ABTB3: variants seen among roughly 807,000 people sequenced by gnomAD.
ABTB3 encodes ankyrin repeat and BTB domain containing 3.
At chr12:107,592,434 A>G in the ABTB3 span, among the ~76,000 whole-genome samples, 1 of 152,254 alleles carries the variant, frequency 6.6e-6, no homozygotes, top group Non-Finnish European at 1.5e-5. Flanking sequence ...AGACATGTAC[A>G]TGGATATTCA....
the ABTB3 span, among the ~76,000 whole-genome samples, chr12:107,349,314 G>T: frequency 6.6e-6 from 1 of 152,204 alleles, no homozygotes. Context: ...CCCAAGAGGA[G>T]GAATGTGGGG....
At chr12:107,416,157 GC>G in the ABTB3 span, among the ~76,000 whole-genome samples, 1 of 152,176 alleles carries the variant, frequency 6.6e-6, no homozygotes, top group African/African-American at 2.4e-5. Flanking sequence ...TCATGACGGA[GC>G]CCAGAATCCA....
At chr12:107,657,492 C>A in the ABTB3 span, 30 of 1,610,198 alleles carry the variant, frequency 1.9e-5, no homozygotes, top group Non-Finnish European at 2.5e-5. Flanking sequence ...CTCCCATTTC[C>A]TCTCCACTCT....
chr12:107,474,777 G>T, the ABTB3 span, among the ~76,000 whole-genome samples: 1 of 152,006 alleles, frequency 6.6e-6, no homozygotes, highest in African/African-American at 2.4e-5. Flanking sequence ...TAAGGCAGCA[G>T]ATGCCCTGCA....
chr12:107,339,679 A>ATG, the ABTB3 span, among the ~76,000 whole-genome samples: 9 of 114,146 alleles, frequency 7.9e-5, no homozygotes, highest in Non-Finnish European at 1.5e-4. Context: ...GTGTGCATGC[A>ATG]CGTGTGTGTG....
chr12:107,536,127 C>T, the ABTB3 span, among the ~76,000 whole-genome samples: 1 of 152,052 alleles, frequency 6.6e-6, no homozygotes, highest in Admixed American at 6.6e-5. Context: ...GCACCAAGAA[C>T]ATATATTAGG....
chr12:107,637,926 G>C, the ABTB3 span, among the ~76,000 whole-genome samples: 1 of 151,966 alleles, frequency 6.6e-6, no homozygotes, highest in South Asian at 2.1e-4. Context: ...GCAGGAATGG[G>C]GGACTAGCTG....
the ABTB3 span, among the ~76,000 whole-genome samples, chr12:107,606,411 A>G: frequency 6.6e-6 from 1 of 152,208 alleles, no homozygotes; most frequent in Non-Finnish European, 1.5e-5. Context: ...GATAGCTGGT[A>G]AACACATCTC....
the ABTB3 span, among the ~76,000 whole-genome samples, chr12:107,637,786 TTGTGTGTGTGTGTGTGTGTGTG>T: frequency 9.7e-5 from 14 of 144,650 alleles, no homozygotes; most frequent in South Asian, 6.9e-4. Context: ...AGCACTGATT[TTGTGTGTGTGTGTGTGTGTGTG>T]TGTGTGTGTG....
the ABTB3 span, among the ~76,000 whole-genome samples, chr12:107,323,372 A>G: frequency 5.3e-5 from 8 of 152,238 alleles, no homozygotes. Context: ...TTGTGAAACT[A>G]GTCACATGGG....
chr12:107,404,105 G>A, the ABTB3 span, among the ~76,000 whole-genome samples: 1 of 138,050 alleles, frequency 7.2e-6, no homozygotes. Context: ...AGAGGTTCTA[G>A]TGAGCTGAGA....
At chr12:107,374,634 C>G in the ABTB3 span, 2 of 152,208 alleles carry the variant, frequency 1.3e-5, no homozygotes, top group African/African-American at 4.8e-5. Flanking sequence ...CCCAGGGGAG[C>G]ATTTGCTTTC....
the ABTB3 span, among the ~76,000 whole-genome samples, chr12:107,503,587 G>C: frequency 2.0e-5 from 3 of 151,554 alleles, no homozygotes; most frequent in African/African-American, 7.3e-5. Context: ...ATGAGACCCC[G>C]TCTATACAAA....
the ABTB3 span, among the ~76,000 whole-genome samples, chr12:107,503,049 G>T: frequency 1.5e-4 from 23 of 152,326 alleles, no homozygotes; most frequent in East Asian, 4.4e-3. Context: ...GACATGCCAG[G>T]CCTTATAGGG....
chr12:107,452,607 A>C, the ABTB3 span, among the ~76,000 whole-genome samples: 3 of 152,076 alleles, frequency 2.0e-5, no homozygotes, highest in Non-Finnish European at 4.4e-5. Flanking sequence ...TCCCGGGCCA[A>C]GGGGGGTGGA....
At chr12:107,504,042 T>C in the ABTB3 span, among the ~76,000 whole-genome samples, 1 of 152,176 alleles carries the variant, frequency 6.6e-6, no homozygotes, top group South Asian at 2.1e-4. Flanking sequence ...AAGGGCTGTG[T>C]GCTCCCTTCC....
the ABTB3 span, among the ~76,000 whole-genome samples, chr12:107,479,302 G>T: frequency 6.6e-6 from 1 of 151,904 alleles, no homozygotes; most frequent in South Asian, 2.1e-4. Context: ...TCTTCTAAGA[G>T]ACATCACTAA....
chr12:107,440,901 T>C, the ABTB3 span, among the ~76,000 whole-genome samples: 1 of 152,240 alleles, frequency 6.6e-6, no homozygotes, highest in African/African-American at 2.4e-5. Flanking sequence ...ACAATAATCT[T>C]AGCAAGTTTG....
At chr12:107,657,882 C>A in the ABTB3 span, 1 of 689,168 alleles carries the variant, frequency 1.5e-6, no homozygotes, top group Non-Finnish European at 2.5e-6. Context: ...GGACTTTCCA[C>A]TGGTCTGCAG....
Sources: allele counts gnomAD v4.1 joint callset (sites outside exome capture counted in the v4.1 genomes callset), GRCh38; gene constraint gnomAD v4.1.1; transcripts MANE v1.5; gene names NCBI Gene and HGNC (gene_info 2026-07-23, HGNC 2026-07-21).